Variants in ERC1 observed in about 807,000 individuals in gnomAD.
ERC1 encodes the protein RAB6 interacting protein 2.
ERC1 carries 56 observed loss-of-function variants against 132.0 expected under a neutral mutation model. The ratio of observed to expected loss-of-function variants is 0.42; its 90% CI spans 0.34 to 0.53. The LOEUF is 0.53. Among genes scored for constraint, ERC1 ranks in the 20% least tolerant of loss-of-function variants. The probability of loss-of-function intolerance (pLI) is 0.03; values close to 1 mark genes in which losing one functional copy is unlikely to be tolerated. For missense variants in ERC1, 1,202 were observed against 1,349.9 expected (o/e 0.89, Z 1.72); for synonymous variants, 478 against 476.1 (o/e 1.00, Z -0.05).
At chr12:1,424,958 C>T (rs959021214) in intron 17 of ERC1, among the ~76,000 whole-genome samples, 2 of 152,004 alleles carry the variant, frequency 1.3e-5, no homozygotes, top group Non-Finnish European at 2.9e-5. Flanking sequence ...TAACGCATAG[C>T]CAGGGAGATG....
At chr12:1,095,117 C>T (rs1205677937) in intron 3 of ERC1, among the ~76,000 whole-genome samples, 1 of 152,012 alleles carries the variant, frequency 6.6e-6, no homozygotes, top group African/African-American at 2.4e-5. Context: ...AAAGAAACAA[C>T]TAGGGAAAAG....
At chr12:1,363,961 A>G (rs1317869084) in intron 15 of ERC1, among the ~76,000 whole-genome samples, 1 of 152,254 alleles carries the variant, frequency 6.6e-6, no homozygotes, top group East Asian at 1.9e-4. Flanking sequence ...TGCTTTGCAC[A>G]GGACTTGCCA....
chr12:1,436,765 A>G (rs11061754), intron 17 of ERC1, among the ~76,000 whole-genome samples: 4,407 of 152,120 alleles, frequency 0.029, 214 homozygotes, highest in African/African-American at 0.1. Flanking sequence ...AAAAGCCACC[A>G]TTTTTCCCTG....
intron 16 of ERC1, among the ~76,000 whole-genome samples, chr12:1,390,154 A>G (rs1205189244): frequency 6.6e-6 from 1 of 152,164 alleles, no homozygotes; most frequent in African/African-American, 2.4e-5. Context: ...TTGGTAGATT[A>G]TTTCCTTCTA....
At chr12:1,300,823 A>G (rs1214563944) in intron 15 of ERC1, among the ~76,000 whole-genome samples, 3 of 152,156 alleles carry the variant, frequency 2.0e-5, no homozygotes, top group African/African-American at 7.2e-5. Flanking sequence ...GGTTGCAGAG[A>G]AAAAGGAACT....
intron 8 of ERC1, among the ~76,000 whole-genome samples, chr12:1,144,748 A>G (rs564429526): frequency 6.6e-6 from 1 of 150,898 alleles, no homozygotes; most frequent in South Asian, 2.1e-4. Context: ...ATGTGCTATT[A>G]TAAACATGCC....
intron 2 of ERC1, 97 bp from the exon 3 acceptor site, chr12:1,083,067 G>T (rs1161592098): frequency 2.9e-6 from 3 of 1,028,144 alleles, no homozygotes; most frequent in African/African-American, 1.6e-5. Flanking sequence ...GCTAGATGCA[G>T]ATTTCTTGTA....
At chr12:1,229,206 C>A (rs913351887) in intron 12 of ERC1, among the ~76,000 whole-genome samples, 2 of 152,104 alleles carry the variant, frequency 1.3e-5, no homozygotes. Flanking sequence ...TTGGTCTGTT[C>A]AGCTATTAAT....
intron 13 of ERC1, among the ~76,000 whole-genome samples, chr12:1,249,444 G>A (rs934911111): frequency 3.3e-5 from 5 of 152,106 alleles, no homozygotes; most frequent in African/African-American, 9.7e-5. Flanking sequence ...CTAAATCCTC[G>A]CAGTTGGAAT....
At position 1,330,696 on chromosome 12, in the gene ERC1, T is replaced by A. The variant is rs183887466; in HGVS notation, c.2780+40684T>A. Among the ~76,000 whole-genome samples the A allele has an allele frequency of 1.8e-3, 272 of 152,236 alleles. 1 individual carries two copies. Among genetic ancestry groups the A allele is most frequent in the Admixed American group, 4.6e-3 (71 of 15,290 alleles). ...CATTTACACAGGACATGCAGCCATA[T>A]CTTAAAGTTGAAGACTCATCTTGTC... On this transcript the variant is annotated intron_variant, in intron 15 of 18. Coordinates refer to ENST00000360905, the MANE Select transcript of ERC1 (RefSeq NM_178040.4).
chr12:997,101 A>G lies in ERC1; in HGVS notation c.-157+5779A>G, dbSNP rs75397679. Among the ~76,000 whole-genome samples, 32 of 152,278 alleles carry G rather than the reference A, an allele frequency of 2.1e-4. No homozygotes were observed. The East Asian group carries it at 5.8e-3, about 27-fold the overall frequency. ...GCCTGGCTAATTAAAAAAAATTTGT[A>G]GAGAGACAAGGCGTCATTATGTTGC... On this transcript the variant is annotated intron_variant, in intron 1 of 18. Coordinates refer to ENST00000360905, the MANE Select transcript of ERC1 (RefSeq NM_178040.4).
chr12:1,464,973 T>C (rs2093716118), intron 18 of ERC1, among the ~76,000 whole-genome samples: 1 of 152,162 alleles, frequency 6.6e-6, no homozygotes, highest in Non-Finnish European at 1.5e-5. Context: ...TTAGTGTATT[T>C]TAGCTGCCCT....
intron 15 of ERC1, among the ~76,000 whole-genome samples, chr12:1,295,794 C>G (rs1257260016): frequency 6.6e-6 from 1 of 151,534 alleles, no homozygotes; most frequent in Non-Finnish European, 1.5e-5. Flanking sequence ...TAAATCCAAA[C>G]CTATACAAGT....
intron 15 of ERC1, among the ~76,000 whole-genome samples, chr12:1,318,070 ATATG>A (rs1305280807): frequency 2.0e-5 from 3 of 152,250 alleles, no homozygotes. Flanking sequence ...AAATAAGTAT[ATATG>A]AGCTTTCAAG....
chr12:1,321,342 G>GTGTGTATA (rs112838015), intron 15 of ERC1, among the ~76,000 whole-genome samples: 1 of 152,014 alleles, frequency 6.6e-6, no homozygotes, highest in Non-Finnish European at 1.5e-5. Flanking sequence ...GTGTGTGTGT[G>GTGTGTATA]TATATTTTGC....
chr12:1,355,557 A>G (rs2085443284), intron 15 of ERC1, among the ~76,000 whole-genome samples: 1 of 152,204 alleles, frequency 6.6e-6, no homozygotes, highest in Admixed American at 6.5e-5. Flanking sequence ...CTTATTTGTT[A>G]CTGTCTCTTG....
At chr12:1,090,878 A>ATTGTTGTTTGTTGTTGTTGTTG (rs1565941594) in intron 3 of ERC1, among the ~76,000 whole-genome samples, 2 of 18,508 alleles carry the variant, frequency 1.1e-4, no homozygotes, top group Non-Finnish European at 3.0e-4. Flanking sequence ...TATTATTATT[A>ATTGTTGTTTGTTGTTGTTGTTG]TTATTATTAT....
intron 15 of ERC1, among the ~76,000 whole-genome samples, chr12:1,296,024 A>AC (rs1555349499): frequency 7.3e-5 from 11 of 150,478 alleles, no homozygotes; most frequent in African/African-American, 2.4e-4. Flanking sequence ...AAAAAAAAAA[A>AC]AACAACTAAA....
At chr12:1,062,303 A>G (rs1202528205) in intron 2 of ERC1, among the ~76,000 whole-genome samples, 1 of 151,736 alleles carries the variant, frequency 6.6e-6, no homozygotes, top group African/African-American at 2.4e-5. Context: ...TTTTTTGAAA[A>G]TGAAGACGGG....
Sources: allele counts gnomAD v4.1 joint callset (sites outside exome capture counted in the v4.1 genomes callset), GRCh38; gene constraint gnomAD v4.1.1; transcripts MANE v1.5; gene names NCBI Gene and HGNC (gene_info 2026-07-23, HGNC 2026-07-21).